Variants in TP63 observed in about 807,000 individuals in gnomAD.
TP63 encodes the protein tumor protein p63.
In TP63, 17 loss-of-function variants were observed where a neutral mutation model predicts 82.8. The observed-to-expected ratio is 0.21, with a 90% confidence interval of 0.14 to 0.31. The LOEUF (loss-of-function observed/expected upper bound fraction) is 0.31. TP63 is among the 10% of genes least tolerant of loss of function. The pLI, the probability that TP63 is intolerant of heterozygous loss-of-function variation, is 1.00. For missense variants in TP63, 648 were observed against 895.3 expected, an observed-to-expected ratio of 0.72 and a Z score of 3.52; for synonymous variants, 330 against 321.7, an observed-to-expected ratio of 1.03 and a Z score of -0.28.
intron 1 of TP63, among the ~76,000 whole-genome samples, chr3:189,702,407 G>T (rs1199581317): frequency 6.6e-6 from 1 of 152,186 alleles, no homozygotes; most frequent in African/African-American, 2.4e-5. Flanking sequence ...TGCTGTCGTA[G>T]ATTATCTCAC....
At chr3:189,652,691 T>C (rs1031137628) in intron 1 of TP63, among the ~76,000 whole-genome samples, 1 of 146,914 alleles carries the variant, frequency 6.8e-6, no homozygotes, top group African/African-American at 2.6e-5. Context: ...AAATGTCATC[T>C]TGAATTTTAG....
In TP63 at chr3:189,895,356, A is replaced by G. The variant is rs187751631; in HGVS notation, c.*854A>G. On this transcript the variant is annotated 3_prime_UTR_variant, in exon 14 of 14. Coordinates refer to ENST00000264731, the MANE Select transcript of TP63 (RefSeq NM_003722.5). ...CCGACGTCATGTATTTGAGCATATC[A>G]GTAACCCCCTTAAATTTAATACCAG... 778 of 218,080 alleles carry G rather than the reference A, an allele frequency of 3.6e-3. 2 individuals are homozygous for G. Among genetic ancestry groups the G allele is most frequent in the Middle Eastern group, 0.02 (14 of 700 alleles). 13.5% of individuals were successfully genotyped at this position (218,080 alleles called of 1,614,324 possible). A position where few individuals can be genotyped will look rare whatever the true frequency, so the allele number is the denominator to read the frequency against.
chr3:189,656,820 T>C (rs576417542), intron 1 of TP63, among the ~76,000 whole-genome samples: 3 of 151,900 alleles, frequency 2.0e-5, no homozygotes, highest in Non-Finnish European at 2.9e-5. Context: ...TAACAACATA[T>C]CACCAAAATG....
intron 1 of TP63, among the ~76,000 whole-genome samples, chr3:189,688,051 T>A (rs1716589562): frequency 6.6e-6 from 1 of 151,724 alleles, no homozygotes; most frequent in Non-Finnish European, 1.5e-5. Context: ...TTTGTAATTC[T>A]GTTAGAGGAG....
the TP63 span, among the ~76,000 whole-genome samples, chr3:189,624,463 T>A: frequency 6.6e-6 from 1 of 152,150 alleles, no homozygotes; most frequent in South Asian, 2.1e-4. Context: ...AAGTTTATAC[T>A]CATAAAATCA....
chr3:189,811,505 A>T (rs1727568315), intron 4 of TP63, among the ~76,000 whole-genome samples: 1 of 152,198 alleles, frequency 6.6e-6, no homozygotes, highest in South Asian at 2.1e-4. Context: ...AAATTAGGGC[A>T]CTTGAACCCT....
chr3:189,724,564 G>C (rs1719633378), intron 1 of TP63, among the ~76,000 whole-genome samples: 1 of 152,178 alleles, frequency 6.6e-6, no homozygotes, highest in African/African-American at 2.4e-5. Flanking sequence ...TTATGAGTGA[G>C]AACATATGCT....
At chr3:189,848,241 C>CT (rs1553853312) in intron 4 of TP63, among the ~76,000 whole-genome samples, 14,829 of 137,570 alleles carry the variant, frequency 0.11, 849 homozygotes, top group African/African-American at 0.16. Flanking sequence ...CCTCCTCCTT[C>CT]TCTCTCTCTC....
chr3:189,803,338 A>T (rs1349141427), intron 3 of TP63, among the ~76,000 whole-genome samples: 1 of 152,214 alleles, frequency 6.6e-6, no homozygotes, highest in African/African-American at 2.4e-5. Flanking sequence ...ATTGGTGGAG[A>T]GAGATTTTCA....
chr3:189,735,911 A>G (rs1231317117), intron 1 of TP63, among the ~76,000 whole-genome samples: 1 of 152,058 alleles, frequency 6.6e-6, no homozygotes, highest in East Asian at 1.9e-4. Flanking sequence ...AGGTCACTGG[A>G]TTTTATCAAT....
chr3:189,893,896 C>T (rs997220882), intron 13 of TP63, among the ~76,000 whole-genome samples: 2 of 152,028 alleles, frequency 1.3e-5, no homozygotes, highest in African/African-American at 4.8e-5. Context: ...TAAGTAGGTA[C>T]CTCATGTTTC....
chr3:189,788,381 T>A (rs1029386526), intron 3 of TP63, among the ~76,000 whole-genome samples: 11 of 152,024 alleles, frequency 7.2e-5, no homozygotes, highest in African/African-American at 2.7e-4. Flanking sequence ...AAAGTAGAAG[T>A]AAAGGGGAGG....
chr3:189,736,009 GTAT>G (rs1217045513), intron 1 of TP63, among the ~76,000 whole-genome samples: 1 of 151,228 alleles, frequency 6.6e-6, no homozygotes, highest in African/African-American at 2.4e-5. Flanking sequence ...GGATCTCTCT[GTAT>G]TATTCATTAC....
chr3:189,609,219 G>T, the TP63 span, among the ~76,000 whole-genome samples: 1 of 152,154 alleles, frequency 6.6e-6, no homozygotes, highest in Admixed American at 6.5e-5. Flanking sequence ...TGATGGATGA[G>T]TTTCATGTAA....
intron 1 of TP63, among the ~76,000 whole-genome samples, chr3:189,661,540 T>A (rs1713882104): frequency 6.6e-6 from 1 of 152,150 alleles, no homozygotes; most frequent in Non-Finnish European, 1.5e-5. Flanking sequence ...TTTTCTTTTT[T>A]CATTTTGCCT....
In TP63 at chr3:189,896,135, T is replaced by G. The variant is rs1286847628; in HGVS notation, c.*1633T>G. On this transcript the variant is annotated 3_prime_UTR_variant, in exon 14 of 14. Transcript: ENST00000264731. ...GCAAATGAGCTCTGAAATCTTCCCATGCATTCTGGTCAAGGGCTGTCATTG... is the reference window on the plus strand; with the variant it reads ...GCAAATGAGCTCTGAAATCTTCCCAGGCATTCTGGTCAAGGGCTGTCATTG... 2.3e-5 allele frequency: 5 copies of G among 221,138 alleles called. No individual in the cohort carries two copies. The highest frequency in any genetic ancestry group is 4.5e-5 in the Non-Finnish European group (5 of 110,266). 13.7% of individuals were successfully genotyped at this position (221,138 alleles called of 1,614,324 possible).
At chr3:189,770,331 C>T (rs1576915513) in intron 3 of TP63, among the ~76,000 whole-genome samples, 1 of 152,154 alleles carries the variant, frequency 6.6e-6, no homozygotes, top group Admixed American at 6.5e-5. Flanking sequence ...GCAATCCCAG[C>T]ACTTTGGGAG....
the TP63 span, among the ~76,000 whole-genome samples, chr3:189,624,848 C>T: frequency 1.3e-5 from 2 of 152,076 alleles, no homozygotes; most frequent in African/African-American, 4.8e-5. Flanking sequence ...AACCAACACA[C>T]ATGGGCAGGA....
At chr3:189,713,663 T>G (rs1427102120) in intron 1 of TP63, among the ~76,000 whole-genome samples, 2 of 152,144 alleles carry the variant, frequency 1.3e-5, no homozygotes, top group African/African-American at 4.8e-5. Flanking sequence ...AGTTGAACAA[T>G]TAAATTACAA....
Sources: allele counts gnomAD v4.1 joint callset (sites outside exome capture counted in the v4.1 genomes callset), GRCh38; gene constraint gnomAD v4.1.1; transcripts MANE v1.5; gene names NCBI Gene and HGNC (gene_info 2026-07-23, HGNC 2026-07-21).